Variants in MICAL2 observed in about 807,000 individuals in gnomAD.
The protein encoded by MICAL2 is [F-actin]-monooxygenase MICAL2.
MICAL2 carries 77 observed loss-of-function variants against 127.3 expected under a neutral mutation model. The ratio of observed to expected loss-of-function variants is 0.60; its 90% confidence interval spans 0.50 to 0.73. The LOEUF is 0.73. MICAL2 is among the 30% of genes least tolerant of loss of function. MICAL2 has a pLI of 0.00. For missense variants in MICAL2, 1,351 were observed against 1,434.4 expected (o/e 0.94, Z 0.94); for synonymous variants, 570 against 551.1 (o/e 1.03, Z -0.48).
At chr11:12,302,493 G>A (rs1351827929) in intron 29 of MICAL2, among the ~76,000 whole-genome samples, 2 of 152,062 alleles carry the variant, frequency 1.3e-5, no homozygotes, top group Admixed American at 6.6e-5. Flanking sequence ...TCTCATTATG[G>A]TTTTAATTTG....
intron 32 of MICAL2, among the ~76,000 whole-genome samples, chr11:12,334,700 T>C (rs1391322816): frequency 1.3e-5 from 2 of 148,612 alleles, no homozygotes; most frequent in Non-Finnish European, 3.0e-5. Flanking sequence ...TGAGAACATG[T>C]GGTGTTTGGT....
intron 3 of MICAL2, among the ~76,000 whole-genome samples, chr11:12,199,313 C>G (rs115825374): frequency 6.6e-6 from 1 of 151,994 alleles, no homozygotes; most frequent in Non-Finnish European, 1.5e-5. Flanking sequence ...TGCCAGGCAC[C>G]GTGCAGTTAG....
At chr11:12,227,649 G>A (rs998763124) in intron 15 of MICAL2, among the ~76,000 whole-genome samples, 1 of 152,338 alleles carries the variant, frequency 6.6e-6, no homozygotes, top group East Asian at 1.9e-4. Context: ...ATATACAGAA[G>A]TGAATAATAT....
intron 8 of MICAL2, among the ~76,000 whole-genome samples, chr11:12,219,178 C>T (rs575493495): frequency 3.3e-5 from 5 of 152,316 alleles, no homozygotes; most frequent in Admixed American, 3.3e-4. Context: ...CTGGTCCCCT[C>T]CCACTCCAGG....
chr11:12,273,370 AC>A (rs1484692936), upstream of MICAL2, among the ~76,000 whole-genome samples: 1 of 152,104 alleles, frequency 6.6e-6, no homozygotes, highest in Non-Finnish European at 1.5e-5. Flanking sequence ...TGCCACCACC[AC>A]CACCATCGCC....
intron 2 of MICAL2, among the ~76,000 whole-genome samples, chr11:12,147,370 T>C (rs1472739589): frequency 6.6e-6 from 1 of 152,194 alleles, no homozygotes; most frequent in Non-Finnish European, 1.5e-5. Context: ...GCAGGCACCA[T>C]GTTGGCACTG....
In MICAL2 at chr11:12,220,266, T is replaced by C. The variant is rs1223187972; in HGVS notation, c.1014T>C (p.Tyr338=). 1 of 1,614,210 alleles carries C rather than the reference T, an allele frequency of 6.2e-7. No homozygotes were observed. The highest frequency in any genetic ancestry group is 1.3e-5 in the African/African-American group (1 of 75,054). The stretch of plus-strand genomic sequence containing the variant: ...TGAACCAAGACAACCTGCTATCCTA[T>C]GCCCGGGAAGCTGCAGACTTTGCCA... ...ENVNQDNLLS[Y]AREAADFATN... is the part of the protein sequence containing the mutation. The change falls in exon 9 of 28, where the codon TAT becomes TAC. Residue 338 remains tyrosine (Y), a synonymous_variant. Transcript: ENST00000683283.
intron 3 of MICAL2, among the ~76,000 whole-genome samples, chr11:12,203,680 A>G (rs1854311165): frequency 1.3e-5 from 2 of 152,092 alleles, no homozygotes; most frequent in Admixed American, 6.5e-5. Context: ...CAGATATATG[A>G]TGTGCAACTA....
At chr11:12,118,618 A>G (rs1850242990) in intron 1 of MICAL2, among the ~76,000 whole-genome samples, 1 of 152,214 alleles carries the variant, frequency 6.6e-6, no homozygotes, top group Non-Finnish European at 1.5e-5. Flanking sequence ...AGAGCCTGGA[A>G]TCTGAGAATA....
chr11:12,260,719 A>G, intron 26 of MICAL2: 1 of 985,542 alleles, frequency 1.0e-6, no homozygotes. Context: ...GTAGAAGGGC[A>G]GAATAGAATT....
chr11:12,287,789 G>A (rs1291496982), downstream of MICAL2, among the ~76,000 whole-genome samples: 1 of 152,188 alleles, frequency 6.6e-6, no homozygotes, highest in Admixed American at 6.5e-5. Flanking sequence ...ATCTAGGCAG[G>A]CCGGGGATCC....
chr11:12,258,897 A>G (rs969374256), intron 25 of MICAL2, among the ~76,000 whole-genome samples: 5 of 152,240 alleles, frequency 3.3e-5, no homozygotes, highest in African/African-American at 4.8e-5. Flanking sequence ...CCTGGCCACA[A>G]GGTGCTGTTT....
chr11:12,336,776 A>G (rs889209252), intron 32 of MICAL2, among the ~76,000 whole-genome samples: 1 of 152,102 alleles, frequency 6.6e-6, no homozygotes, highest in Non-Finnish European at 1.5e-5. Flanking sequence ...CATATGTTGA[A>G]CCAGCCTTGC....
intron 25 of MICAL2, among the ~76,000 whole-genome samples, chr11:12,258,818 C>T (rs1315296379): frequency 2.0e-5 from 3 of 152,212 alleles, no homozygotes; most frequent in Non-Finnish European, 1.5e-5. Context: ...AGAGCTTGCC[C>T]ATGTGGCAGG....
intron 29 of MICAL2, among the ~76,000 whole-genome samples, chr11:12,300,655 C>G (rs1465907676): frequency 2.6e-5 from 4 of 152,132 alleles, no homozygotes; most frequent in African/African-American, 9.7e-5. Context: ...GCCCTCTAAC[C>G]ACTAGGAAGT....
intron 10 of MICAL2, 71 bp from the exon 11 acceptor site, chr11:12,222,546 T>C: frequency 1.3e-6 from 2 of 1,596,254 alleles, no homozygotes; most frequent in South Asian, 1.1e-5. Flanking sequence ...AAGGGGGAAG[T>C]AGGGAAGGGT....
chr11:12,276,260 G>A (rs1230230749), intron 1 of MICAL2: 3 of 398,082 alleles, frequency 7.5e-6, no homozygotes, highest in Non-Finnish European at 1.3e-5. Flanking sequence ...TGCTTGCAGT[G>A]TGGCCTCTCT....
rs35531394 is a variant in MICAL2 at position 12,358,420 on chromosome 11, G to A, written c.5815G>A (p.Glu1939Lys). The A allele has an allele frequency of 6.8e-5, 109 of 1,614,062 alleles. No individual in the cohort carries two copies. In the Admixed American group the frequency reaches 6.8e-4, roughly 10 times the overall value. Residue 1939 changes from glutamate (E) to lysine (K), a missense_variant, in exon 35 of 35, where the codon GAG (glutamate) becomes AAG (lysine). Coordinates refer to the MICAL2 transcript ENST00000646065. ...GGAACAACGCATCAGAGAAAAAGCCGAGGACCAGCACTTTGAAAGCTTCGT... is the reference window on the plus strand; with the variant it reads ...GGAACAACGCATCAGAGAAAAAGCCAAGGACCAGCACTTTGAAAGCTTCGT...
At chr11:12,344,472 C>CGA (rs34112883) in intron 32 of MICAL2, among the ~76,000 whole-genome samples, 173 of 141,484 alleles carry the variant, frequency 1.2e-3, no homozygotes, top group African/African-American at 4.3e-3. Flanking sequence ...ATTCTAGAAA[C>CGA]TATTATTATT....
Sources: allele counts gnomAD v4.1 joint callset (sites outside exome capture counted in the v4.1 genomes callset), GRCh38; gene constraint gnomAD v4.1.1; transcripts MANE v1.5; gene names NCBI Gene and HGNC (gene_info 2026-07-23, HGNC 2026-07-21).